The following GRIA4 variants were observed in gnomAD, a reference collection of about 807,000 sequenced individuals.
GRIA4 encodes glutamate ionotropic receptor AMPA type subunit 4.
Under a neutral mutation model 104.0 loss-of-function variants are expected in GRIA4, and 34 were observed. The observed-to-expected ratio is 0.33, with a 90% CI of 0.25 to 0.44. GRIA4 has a LOEUF of 0.44. Ranked by LOEUF, GRIA4 falls within the 20% of genes least tolerant of loss-of-function variation. The pLI, the probability that GRIA4 is intolerant of heterozygous loss-of-function variation, is 1.00. For synonymous variants in GRIA4, 386 were observed against 381.9 expected (o/e 1.01, Z -0.13); for missense variants, 750 against 1,096.5 (o/e 0.68, Z 4.46).
intron 3 of GRIA4, among the ~76,000 whole-genome samples, chr11:105,670,515 T>C (rs1400838728): frequency 9.2e-5 from 14 of 152,130 alleles, no homozygotes; most frequent in Non-Finnish European, 7.4e-5. Context: ...TTCTACTTTA[T>C]CAAACTATTT....
In GRIA4 at chr11:105,933,823, C is replaced by T. The variant is rs777359743; in HGVS notation, c.2148C>T (p.Arg716=). ...CAGCTGAGGGAGTAGCTCGTGTCCG[C>T]AAATCCAAGGGCAAATTTGCCTTTC... ...RTTAEGVARV[R]KSKGKFAFLL... Residue 716 remains arginine, a synonymous_variant, in exon 14 of 17, where the codon CGC becomes CGT. Transcript: ENST00000282499. 1 of 1,613,512 alleles carries T rather than the reference C, an allele frequency of 6.2e-7. No individual in the cohort carries two copies. The highest frequency in any genetic ancestry group is 1.1e-5 in the South Asian group (1 of 91,078).
chr11:105,743,997 A>T (rs1312390167), intron 3 of GRIA4, among the ~76,000 whole-genome samples: 3 of 152,054 alleles, frequency 2.0e-5, no homozygotes, highest in Non-Finnish European at 4.4e-5. Context: ...TAGCCTACTT[A>T]CTGGTTTGTA....
intron 3 of GRIA4, among the ~76,000 whole-genome samples, chr11:105,743,063 A>C (rs553568900): frequency 1.3e-5 from 2 of 152,188 alleles, no homozygotes; most frequent in African/African-American, 4.8e-5. Context: ...CTGGGTGCGC[A>C]TATAAGGCCT....
rs529558540 is a variant in GRIA4 at position 105,937,624 on chromosome 11, C to T, written c.2294+3655C>T. ...CGCTTAGAATGATTTGTATACTTGA[C>T]CCTAATGTTTGAAGCCAAGTTAAAA... On this transcript the variant is annotated intron_variant, in intron 14 of 16. Coordinates refer to ENST00000282499, the MANE Select transcript of GRIA4 (RefSeq NM_000829.4). 3.9e-5 allele frequency among the ~76,000 whole-genome samples: 6 copies of T among 152,074 alleles called. No individual in the cohort carries two copies. In the South Asian group the frequency reaches 8.3e-4, roughly 21 times the overall value.
At chr11:105,901,935 T>C (rs542935638) in intron 7 of GRIA4, among the ~76,000 whole-genome samples, 1 of 152,336 alleles carries the variant, frequency 6.6e-6, no homozygotes, top group Admixed American at 6.5e-5. Flanking sequence ...TATTTCTCGT[T>C]TTTATTTTCT....
At chr11:105,883,152 C>T (rs1946124604) in intron 5 of GRIA4, among the ~76,000 whole-genome samples, 1 of 152,094 alleles carries the variant, frequency 6.6e-6, no homozygotes, top group South Asian at 2.1e-4. Context: ...CAATTAGTCA[C>T]TTCTCTTAAA....
chr11:105,671,363 T>A (rs933603238), intron 3 of GRIA4, among the ~76,000 whole-genome samples: 2 of 151,922 alleles, frequency 1.3e-5, no homozygotes, highest in Admixed American at 1.3e-4. Context: ...TGATAATAGA[T>A]CAAATGAGTT....
chr11:105,782,267 T>A (rs1219302558), intron 4 of GRIA4, among the ~76,000 whole-genome samples: 3 of 152,200 alleles, frequency 2.0e-5, no homozygotes, highest in Non-Finnish European at 4.4e-5. Context: ...AATGAATAAT[T>A]CTGAGTAATG....
chr11:105,779,738 C>G (rs918382768), intron 4 of GRIA4, among the ~76,000 whole-genome samples: 3 of 152,108 alleles, frequency 2.0e-5, no homozygotes, highest in African/African-American at 7.2e-5. Context: ...AAGCTGGAGG[C>G]ATCACGCTAC....
chr11:105,862,243 C>G, intron 5 of GRIA4, 35 bp downstream of exon 5: 1 of 1,235,048 alleles, frequency 8.1e-7, no homozygotes, highest in Non-Finnish European at 1.2e-6. Flanking sequence ...AACCTAGACC[C>G]TATACAGAAA....
chr11:105,905,396 C>T, intron 9 of GRIA4, 95 bp downstream of exon 9: 1 of 683,702 alleles, frequency 1.5e-6, no homozygotes, highest in South Asian at 1.7e-5. Flanking sequence ...CTGAACATTT[C>T]CTTTTTTTGT....
At chr11:105,714,950 AG>A (rs1318734422) in intron 3 of GRIA4, among the ~76,000 whole-genome samples, 2 of 152,138 alleles carry the variant, frequency 1.3e-5, no homozygotes, top group African/African-American at 4.8e-5. Context: ...TCTGGTCTCC[AG>A]TGTAAGAGCT....
In GRIA4 at chr11:105,903,858, A is replaced by G. The variant is rs61758994; in HGVS notation, c.930A>G (p.Glu310=). Residue 310 remains glutamate (E), a synonymous_variant, in exon 8 of 17, where the codon GAA becomes GAG. Coordinates refer to ENST00000282499, the MANE Select transcript of GRIA4 (RefSeq NM_000829.4). ...ATGATGGAGTCCTTGTGATGGCTGA[A>G]ACTTTCCGAAGTCTTAGGAGGCAGA... ...LTYDGVLVMA[E]TFRSLRRQKI... The G allele has an allele frequency of 2.3e-4, 376 of 1,612,420 alleles. No homozygotes were observed. The highest frequency in any genetic ancestry group is 3.1e-4 in the Non-Finnish European group (371 of 1,178,448).
chr11:105,738,328 T>C (rs1351839558), intron 3 of GRIA4, among the ~76,000 whole-genome samples: 1 of 152,166 alleles, frequency 6.6e-6, no homozygotes, highest in Non-Finnish European at 1.5e-5. Flanking sequence ...ATTCACTAGG[T>C]TGTTCACTTA....
intron 14 of GRIA4, among the ~76,000 whole-genome samples, chr11:105,961,856 A>G (rs1948751637): frequency 6.6e-6 from 1 of 152,218 alleles, no homozygotes. Context: ...TCCATATACT[A>G]TTGCCATCAT....
intron 4 of GRIA4, among the ~76,000 whole-genome samples, chr11:105,786,550 T>G (rs2135789324): frequency 6.6e-6 from 1 of 152,336 alleles, no homozygotes; most frequent in South Asian, 2.1e-4. Context: ...TGTTATATTA[T>G]GTACTATGCT....
chr11:105,654,413 A>C (rs1349545792), intron 3 of GRIA4, among the ~76,000 whole-genome samples: 1 of 152,122 alleles, frequency 6.6e-6, no homozygotes, highest in East Asian at 1.9e-4. Context: ...TGGCCACTCC[A>C]CAATTTATAA....
chr11:105,637,797 A>T (rs1249399740), intron 3 of GRIA4, among the ~76,000 whole-genome samples: 1 of 152,180 alleles, frequency 6.6e-6, no homozygotes, highest in African/African-American at 2.4e-5. Flanking sequence ...TACTTTAACA[A>T]GTAGGTAAGA....
At chr11:105,882,659 T>G (rs1160869884) in intron 5 of GRIA4, among the ~76,000 whole-genome samples, 11 of 152,172 alleles carry the variant, frequency 7.2e-5, no homozygotes, top group Admixed American at 7.2e-4. Context: ...GCGTTCCCCT[T>G]ATTCTGCTCT....
Sources: allele counts gnomAD v4.1 joint callset (sites outside exome capture counted in the v4.1 genomes callset), GRCh38; gene constraint gnomAD v4.1.1; transcripts MANE v1.5; gene names NCBI Gene and HGNC (gene_info 2026-07-23, HGNC 2026-07-21).